MTMR7: variants seen among roughly 807,000 people sequenced by gnomAD.
MTMR7 encodes phosphatidylinositol-3-phosphate phosphatase MTMR7.
MTMR7 carries 76 observed loss-of-function variants against 81.2 expected under a neutral mutation model. The observed-to-expected ratio is 0.94, with a 90% CI of 0.78 to 1.13. MTMR7 has a LOEUF of 1.13. MTMR7 is among the 50% of genes most tolerant of loss of function. The pLI is 0.00. For missense variants in MTMR7, 1,044 were observed against 820.0 expected (o/e 1.27, Z -3.34); for synonymous variants, 372 against 289.8 (o/e 1.28, Z -2.88).
At chr8:17,402,159 G>C (rs944868466) in intron 1 of MTMR7, among the ~76,000 whole-genome samples, 10 of 152,226 alleles carry the variant, frequency 6.6e-5, no homozygotes, top group African/African-American at 1.9e-4. Context: ...GAGATACTTT[G>C]ATACAGGCAT....
chr8:17,391,551 T>C lies in MTMR7; in HGVS notation c.25-18311A>G, dbSNP rs114673824. Among the ~76,000 whole-genome samples the C allele has an allele frequency of 8.7e-3, 1,325 of 152,208 alleles. 23 individuals carry two copies. The highest frequency in any genetic ancestry group is 0.03 in the African/African-American group (1,259 of 41,524). On this transcript the variant is annotated intron_variant, in intron 1 of 13. Transcript: ENST00000180173. ...TCCAGAATGTACAAGTGAAAGGATA[T>C]ATGCATCAATAGGGTCTTTAAATGT...
chr8:17,361,628 T>A (rs1031537729), intron 3 of MTMR7, among the ~76,000 whole-genome samples: 1 of 152,206 alleles, frequency 6.6e-6, no homozygotes, highest in Middle Eastern at 3.2e-3. Flanking sequence ...TCATTAGGCA[T>A]GAAGATTCCA....
At chr8:17,371,551 T>C (rs1820420792) in intron 2 of MTMR7, among the ~76,000 whole-genome samples, 1 of 152,118 alleles carries the variant, frequency 6.6e-6, no homozygotes, top group African/African-American at 2.4e-5. Flanking sequence ...GTTAGTAAAA[T>C]AAACTTCTGC....
At chr8:17,309,379 G>T in intron 9 of MTMR7, 53 bp from the exon 10 acceptor site, 1 of 1,205,416 alleles carries the variant, frequency 8.3e-7, no homozygotes. Context: ...AAAAATAAGA[G>T]ACCACACAAC....
At chr8:17,383,151 G>A (rs1206220745) in intron 1 of MTMR7, among the ~76,000 whole-genome samples, 2 of 152,100 alleles carry the variant, frequency 1.3e-5, no homozygotes, top group Admixed American at 1.3e-4. Flanking sequence ...ATGGTTCTGG[G>A]CATCAGTTTT....
chr8:17,403,843 G>A (rs1017053078), intron 1 of MTMR7, among the ~76,000 whole-genome samples: 1 of 152,130 alleles, frequency 6.6e-6, no homozygotes, highest in Non-Finnish European at 1.5e-5. Context: ...ATTATAAATA[G>A]GATTGGTCTC....
Position 17,300,108 on chromosome 8 carries a change from G to A in MTMR7, c.1737C>T (p.Pro579=). The change falls in exon 14 of 14, where the codon CCC becomes CCT. Residue 579 remains proline, a synonymous_variant. Transcript: ENST00000180173. ...STSDNSIANT[P]QDYSGNMKSF... ...ATTTCATATTCCCACTGTAATCCTG[G>A]GGAGTGTTGGCTATGCTGTTGTCTG... 6.2e-7 allele frequency: 1 copy of A among 1,614,130 alleles called. No individual in the cohort carries two copies. Among genetic ancestry groups the A allele is most frequent in the Non-Finnish European group, 8.5e-7 (1 of 1,180,006 alleles).
chr8:17,368,773 C>A (rs1820316778), intron 3 of MTMR7, among the ~76,000 whole-genome samples: 1 of 152,188 alleles, frequency 6.6e-6, no homozygotes, highest in African/African-American at 2.4e-5. Context: ...ATTTCTAATG[C>A]CCATGTTTCA....
chr8:17,385,313 G>A (rs983290263), intron 1 of MTMR7, among the ~76,000 whole-genome samples: 17 of 151,992 alleles, frequency 1.1e-4, no homozygotes, highest in African/African-American at 3.6e-4. Flanking sequence ...GTGTCCCCAC[G>A]CAAATCTCAT....
At chr8:17,321,307 C>G (rs1818377466) in intron 7 of MTMR7, among the ~76,000 whole-genome samples, 1 of 152,218 alleles carries the variant, frequency 6.6e-6, no homozygotes, top group Non-Finnish European at 1.5e-5. Flanking sequence ...GAGAATGTCC[C>G]CACGCTTCTC....
intron 11 of MTMR7, among the ~76,000 whole-genome samples, chr8:17,305,204 T>C (rs907370551): frequency 3.9e-5 from 6 of 152,242 alleles, no homozygotes; most frequent in Non-Finnish European, 8.8e-5. Flanking sequence ...TAATGTTGTA[T>C]ACACCATAGT....
intron 1 of MTMR7, among the ~76,000 whole-genome samples, chr8:17,377,135 C>T (rs1820614620): frequency 6.6e-6 from 1 of 151,984 alleles, no homozygotes; most frequent in African/African-American, 2.4e-5. Flanking sequence ...GTGAATTAAC[C>T]ATGGTTATGA....
intron 6 of MTMR7, among the ~76,000 whole-genome samples, chr8:17,339,395 G>C (rs1046965213): frequency 2.0e-5 from 3 of 152,108 alleles, no homozygotes; most frequent in African/African-American, 7.2e-5. Flanking sequence ...ACCCTAAAGA[G>C]ACATCCACTA....
intron 7 of MTMR7, among the ~76,000 whole-genome samples, chr8:17,330,722 T>C (rs114838901): frequency 0.012 from 1,821 of 152,210 alleles, 39 homozygotes; most frequent in East Asian, 0.076. Context: ...GAAATGAGGG[T>C]CAGCTCCTCC....
At chr8:17,330,347 G>A (rs1198070688) in intron 7 of MTMR7, among the ~76,000 whole-genome samples, 1 of 152,224 alleles carries the variant, frequency 6.6e-6, no homozygotes, top group Non-Finnish European at 1.5e-5. Flanking sequence ...CAGAAGCGCA[G>A]ACAGTGCATG....
chr8:17,392,014 C>A (rs1310316479), intron 1 of MTMR7, among the ~76,000 whole-genome samples: 1 of 152,022 alleles, frequency 6.6e-6, no homozygotes, highest in Non-Finnish European at 1.5e-5. Context: ...AAATATGGTA[C>A]AAAATGAGCT....
At chr8:17,301,373 T>G (rs1817101020) in intron 13 of MTMR7, among the ~76,000 whole-genome samples, 1 of 152,168 alleles carries the variant, frequency 6.6e-6, no homozygotes, top group South Asian at 2.1e-4. Flanking sequence ...AGATTTAAAC[T>G]TGGACATTCT....
At chr8:17,352,623 CT>C (rs1460286718) in intron 4 of MTMR7, among the ~76,000 whole-genome samples, 1 of 152,094 alleles carries the variant, frequency 6.6e-6, no homozygotes, top group African/African-American at 2.4e-5. Context: ...AACTTAAAAA[CT>C]TTTATACATC....
chr8:17,307,587 G>T (rs1188627214), intron 10 of MTMR7, among the ~76,000 whole-genome samples: 1 of 152,144 alleles, frequency 6.6e-6, no homozygotes, highest in Non-Finnish European at 1.5e-5. Context: ...ACATGCACAT[G>T]AATGTTTATA....
Sources: gnomAD v4.1 joint callset for allele counts (sites outside exome capture counted in the v4.1 genomes callset) on GRCh38, gnomAD v4.1.1 for gene constraint, MANE v1.5 for transcripts, NCBI Gene and HGNC (gene_info 2026-07-23, HGNC 2026-07-21) for gene names.